Variants in ERBB4 observed in about 807,000 individuals in gnomAD.
ERBB4 encodes the protein erb-b2 receptor tyrosine kinase 4, also known as receptor tyrosine-protein kinase erbB-4.
ERBB4 carries 42 observed loss-of-function variants against 158.0 expected under a neutral mutation model. That is an observed-to-expected ratio of 0.27 (90% confidence interval 0.21 to 0.34). The LOEUF (loss-of-function observed/expected upper bound fraction) is 0.34. Ranked by LOEUF, ERBB4 falls within the 10% of genes least tolerant of loss-of-function variation. The pLI, the probability that ERBB4 is intolerant of heterozygous loss-of-function variation, is 1.00. For missense variants in ERBB4, 1,333 were observed against 1,624.1 expected (o/e 0.82, Z 3.08); for synonymous variants, 583 against 558.7 (o/e 1.04, Z -0.61).
chr2:211,936,182 A>C (rs903220165), intron 3 of ERBB4, among the ~76,000 whole-genome samples: 2 of 152,122 alleles, frequency 1.3e-5, no homozygotes, highest in African/African-American at 2.4e-5. Context: ...TCAAAATGAC[A>C]TACTTATTTA....
At chr2:211,862,762 A>G (rs1247700402) in intron 3 of ERBB4, among the ~76,000 whole-genome samples, 2 of 152,240 alleles carry the variant, frequency 1.3e-5, no homozygotes, top group Non-Finnish European at 2.9e-5. Flanking sequence ...ATCTAAAAAT[A>G]AAGTGTGAGT....
At chr2:211,897,066 A>G (rs978603726) in intron 3 of ERBB4, among the ~76,000 whole-genome samples, 2 of 150,082 alleles carry the variant, frequency 1.3e-5, no homozygotes, top group Non-Finnish European at 3.0e-5. Context: ...TTATTATATA[A>G]GTATAGAATA....
chr2:211,852,546 A>G (rs2077743672), intron 3 of ERBB4, among the ~76,000 whole-genome samples: 1 of 151,668 alleles, frequency 6.6e-6, no homozygotes, highest in South Asian at 2.1e-4. Flanking sequence ...CTCAAATTAC[A>G]TTGTTTTGTT....
At chr2:211,531,601 A>G (rs2066500783) in intron 20 of ERBB4, among the ~76,000 whole-genome samples, 1 of 152,154 alleles carries the variant, frequency 6.6e-6, no homozygotes, top group African/African-American at 2.4e-5. Flanking sequence ...AATTAAAACT[A>G]CAAGGAGATA....
At chr2:212,537,884 G>A (rs1693186213) in intron 1 of ERBB4, among the ~76,000 whole-genome samples, 1 of 152,140 alleles carries the variant, frequency 6.6e-6, no homozygotes, top group African/African-American at 2.4e-5. Context: ...GCTGCACTCC[G>A]GCTGCCCGGG....
At chr2:211,885,414 A>G (rs1267184962) in intron 3 of ERBB4, among the ~76,000 whole-genome samples, 1 of 152,134 alleles carries the variant, frequency 6.6e-6, no homozygotes, top group African/African-American at 2.4e-5. Context: ...GAAAAAGAAT[A>G]ATGGAAGATC....
chr2:211,902,362 ATATAT>A (rs2079259172), intron 3 of ERBB4, among the ~76,000 whole-genome samples: 2 of 152,100 alleles, frequency 1.3e-5, no homozygotes, highest in Admixed American at 6.6e-5. Context: ...AGCATTTTTA[ATATAT>A]TATAGATATT....
intron 16 of ERBB4, among the ~76,000 whole-genome samples, chr2:211,654,496 A>G (rs190788826): frequency 6.6e-6 from 1 of 152,334 alleles, no homozygotes; most frequent in Non-Finnish European, 1.5e-5. Context: ...AGTAATTTTG[A>G]TATATCAATC....
At chr2:212,123,633 G>A (rs534716927) in intron 2 of ERBB4, among the ~76,000 whole-genome samples, 48 of 152,266 alleles carry the variant, frequency 3.2e-4, no homozygotes, top group Non-Finnish European at 6.6e-4. Flanking sequence ...GTCCAACTAT[G>A]AGAGTCGTTT....
intron 4 of ERBB4, among the ~76,000 whole-genome samples, chr2:211,767,257 T>G (rs79002186): frequency 0.25 from 38,584 of 152,076 alleles, 5,711 homozygotes; most frequent in Middle Eastern, 0.36. Context: ...ATAATTACTC[T>G]CACCCATTAC....
Position 211,800,670 on chromosome 2 carries a change from A to G in ERBB4, c.422-12511T>C, listed in dbSNP as rs552455263. ...GAAAAACTGTGCGTTAAAAAAAAAA[A>G]AAAAAAAAAACCTCTTGGCTCTGGT... is the stretch of plus-strand genomic sequence containing the variant. On this transcript the variant is annotated intron_variant, in intron 3 of 27. Transcript: ENST00000342788. Among the ~76,000 whole-genome samples the G allele has an allele frequency of 3.3e-5, 5 of 151,804 alleles. No individual in the cohort carries two copies. The South Asian group carries it at 1.0e-3, about 32-fold the overall frequency.
At chr2:211,660,240 C>T (rs2071369462) in intron 15 of ERBB4, among the ~76,000 whole-genome samples, 1 of 152,190 alleles carries the variant, frequency 6.6e-6, no homozygotes, top group Admixed American at 6.5e-5. Context: ...TTCAGTAAAT[C>T]TCCTAGCTCT....
intron 1 of ERBB4, among the ~76,000 whole-genome samples, chr2:212,527,680 T>C (rs1015684674): frequency 6.7e-6 from 1 of 149,906 alleles, no homozygotes; most frequent in African/African-American, 2.5e-5. Flanking sequence ...TAAATGCAGA[T>C]CCCCAAATCT....
At chr2:212,300,474 G>A (rs1036326329) in intron 1 of ERBB4, among the ~76,000 whole-genome samples, 2 of 151,530 alleles carry the variant, frequency 1.3e-5, no homozygotes, top group Non-Finnish European at 3.0e-5. Context: ...TTTAAGTAGA[G>A]TAGTACGTCT....
At chr2:212,300,019 T>C (rs2086560359) in intron 1 of ERBB4, among the ~76,000 whole-genome samples, 1 of 151,546 alleles carries the variant, frequency 6.6e-6, no homozygotes, top group Admixed American at 6.6e-5. Flanking sequence ...TCCCCCTCCC[T>C]TGTTACCTAA....
At chr2:211,388,654 T>C (rs1263568986) in intron 25 of ERBB4, among the ~76,000 whole-genome samples, 1 of 151,994 alleles carries the variant, frequency 6.6e-6, no homozygotes, top group Admixed American at 6.6e-5. Flanking sequence ...ATTCCCCTTA[T>C]GGTATTTATA....
intron 1 of ERBB4, among the ~76,000 whole-genome samples, chr2:212,407,540 T>C (rs2106478701): frequency 6.6e-6 from 1 of 152,264 alleles, no homozygotes; most frequent in East Asian, 1.9e-4. Flanking sequence ...TTCACCACTG[T>C]ACTACAGCTA....
In ERBB4 at chr2:211,839,338, C is replaced by T. The variant is rs989958246; in HGVS notation, c.422-51179G>A. Among the ~76,000 whole-genome samples, 77 of 150,178 alleles carry T rather than the reference C, an allele frequency of 5.1e-4. 1 individual carries two copies. The highest frequency in any genetic ancestry group is 2.6e-3 in the East Asian group (13 of 4,982). Reference sequence around the variant, plus strand: ...CTAGTTCACTTAAAAAGTAGCTCTTCATGGAGAATAGATATACAAGATATA... The same window carrying T: ...CTAGTTCACTTAAAAAGTAGCTCTTTATGGAGAATAGATATACAAGATATA... On this transcript the variant is annotated intron_variant, in intron 3 of 27. Coordinates refer to ENST00000342788, the MANE Select transcript of ERBB4 (RefSeq NM_005235.3).
At chr2:211,449,790 G>T (rs2064198082) in intron 20 of ERBB4, among the ~76,000 whole-genome samples, 1 of 152,152 alleles carries the variant, frequency 6.6e-6, no homozygotes, top group East Asian at 1.9e-4. Flanking sequence ...TGATTTCCAT[G>T]TAAGTTACAG....
Sources: allele counts gnomAD v4.1 joint callset (sites outside exome capture counted in the v4.1 genomes callset), GRCh38; gene constraint gnomAD v4.1.1; transcripts MANE v1.5; gene names NCBI Gene and HGNC (gene_info 2026-07-23, HGNC 2026-07-21).